Variants in ZFHX4 observed in about 807,000 individuals in gnomAD.
ZFHX4 encodes zinc finger homeobox protein 4.
ZFHX4 carries 56 observed loss-of-function variants against 267.6 expected under a neutral mutation model. The observed-to-expected ratio is 0.21, with a 90% CI of 0.17 to 0.26. The LOEUF is 0.26. ZFHX4 is among the 10% of genes least tolerant of loss of function. The pLI, the probability that ZFHX4 is intolerant of heterozygous loss-of-function variation, is 1.00. For missense variants in ZFHX4, 4,332 were observed against 4,420.0 expected (o/e 0.98, Z 0.56); for synonymous variants, 1,778 against 1,665.6 (o/e 1.07, Z -1.64).
chr8:76,767,505 G>A (rs1473670507), intron 3 of ZFHX4, among the ~76,000 whole-genome samples: 1 of 152,102 alleles, frequency 6.6e-6, no homozygotes, highest in Non-Finnish European at 1.5e-5. Flanking sequence ...GGGTATTGAA[G>A]TCATCTTAGA....
At chr8:76,857,573 C>A (rs1328897837) in intron 10 of ZFHX4, among the ~76,000 whole-genome samples, 1 of 151,934 alleles carries the variant, frequency 6.6e-6, no homozygotes, top group East Asian at 1.9e-4. Flanking sequence ...CCTCAGCCAC[C>A]GCTAGCTTAC....
At position 76,852,294 on chromosome 8, in the gene ZFHX4, T is replaced by C; in HGVS notation, c.5373T>C (p.Thr1791=). The C allele has an allele frequency of 6.4e-7, 1 of 1,564,098 alleles. No homozygotes were observed. Among genetic ancestry groups the C allele is most frequent in the Non-Finnish European group, 8.7e-7 (1 of 1,153,424 alleles). Residue 1791 remains threonine (T), a synonymous_variant, in exon 10 of 11, where the codon ACT becomes ACC. Coordinates refer to ENST00000651372, the MANE Select transcript of ZFHX4 (RefSeq NM_024721.5). ...AAACCCAACATCACGTTGGTCAAAC[T>C]CAACTCCAGATACTACAGCAACAAG... The part of the protein sequence containing the change: ...QIQTQHHVGQ[T]QLQILQQQAQ...
chr8:76,699,688 G>A (rs1312589043), intron 1 of ZFHX4, among the ~76,000 whole-genome samples: 2 of 148,222 alleles, frequency 1.3e-5, no homozygotes, highest in Non-Finnish European at 3.0e-5. Context: ...GTGAGGTAGC[G>A]ATAGTGGTGT....
intron 1 of ZFHX4, among the ~76,000 whole-genome samples, chr8:76,692,561 G>A (rs1021948904): frequency 2.0e-5 from 3 of 152,106 alleles, no homozygotes; most frequent in Admixed American, 1.3e-4. Context: ...ATCTCTTAGG[G>A]AATCACAGTC....
intron 3 of ZFHX4, among the ~76,000 whole-genome samples, chr8:76,757,470 G>A (rs944134279): frequency 1.3e-5 from 2 of 152,170 alleles, no homozygotes; most frequent in Non-Finnish European, 2.9e-5. Context: ...TTTATTCTGA[G>A]TGTGATGGTC....
intron 3 of ZFHX4, chr8:76,733,368 C>T (rs79173287): frequency 2.0e-5 from 3 of 152,238 alleles, no homozygotes; most frequent in Admixed American, 6.5e-5. Flanking sequence ...CCTGATCCCC[C>T]ACGTCTGTGC....
chr8:76,764,393 G>T (rs534977501), intron 3 of ZFHX4, among the ~76,000 whole-genome samples: 1 of 152,006 alleles, frequency 6.6e-6, no homozygotes, highest in African/African-American at 2.4e-5. Flanking sequence ...CTAGTTTCAC[G>T]GACCAGCTGA....
chr8:76,699,144 A>G (rs1306267603), intron 1 of ZFHX4, among the ~76,000 whole-genome samples: 2 of 152,184 alleles, frequency 1.3e-5, no homozygotes, highest in Non-Finnish European at 2.9e-5. Flanking sequence ...TGTAAAGCTC[A>G]CAAACATTAA....
At chr8:76,786,789 T>G (rs565562227) in intron 4 of ZFHX4, among the ~76,000 whole-genome samples, 1 of 152,312 alleles carries the variant, frequency 6.6e-6, no homozygotes, top group Admixed American at 6.5e-5. Context: ...GATTGCAGTT[T>G]GAAAACCAGA....
rs537381672 is a variant in ZFHX4 at position 76,681,325 on chromosome 8, A to G, written c.-342A>G. ...AACGATAATAATTAGCAGAATAAAG[A>G]CATATCGGATTTTCATTTCCTTTCC... On this transcript the variant is annotated 5_prime_UTR_variant, in exon 1 of 11. Transcript: ENST00000651372. The G allele has an allele frequency of 2.0e-5, 8 of 398,822 alleles. No individual in the cohort carries two copies. The Admixed American group carries it at 2.2e-4, about 11-fold the overall frequency. The allele number at this position is 398,822 out of a possible 1,614,324, so 24.7% of individuals were successfully genotyped here.
At chr8:76,723,943 T>C (rs1016428769) in intron 3 of ZFHX4, among the ~76,000 whole-genome samples, 1 of 150,254 alleles carries the variant, frequency 6.7e-6, no homozygotes, top group East Asian at 1.9e-4. Flanking sequence ...TACTTGATAT[T>C]GGCTATCAGG....
rs1328159353 is a variant in ZFHX4 at position 76,852,319 on chromosome 8, G to A, written c.5398G>A (p.Ala1800Thr). ...TCAACTCCAGATACTACAGCAACAA[G>A]CACAACAATACCAAGCCACACAGCC... The part of the protein sequence containing the change: ...QTQLQILQQQ[A>T]QQYQATQPQL... Residue 1800 changes from alanine to threonine, a missense_variant, in exon 10 of 11, where the codon GCA becomes ACA. Around this residue, in one of 7 missense-constraint regions of ZFHX4, gnomAD observed 1,371 missense variants for 1,423.1 expected, o/e 0.96. Coordinates refer to ENST00000651372, the MANE Select transcript of ZFHX4 (RefSeq NM_024721.5). 6.4e-7 allele frequency: 1 copy of A among 1,555,124 alleles called. No homozygotes were observed. Among genetic ancestry groups the A allele is most frequent in the African/African-American group, 1.4e-5 (1 of 73,118 alleles).
intron 3 of ZFHX4, among the ~76,000 whole-genome samples, chr8:76,739,161 A>G (rs1449585500): frequency 6.6e-6 from 1 of 152,214 alleles, no homozygotes. Flanking sequence ...TCATTCTGTC[A>G]TAGACAACAG....
chr8:76,848,965 T>C, intron 6 of ZFHX4, 30 bp from the exon 7 acceptor site: 2 of 1,464,356 alleles, frequency 1.4e-6, no homozygotes, highest in Admixed American at 3.0e-5. Flanking sequence ...TGTTTTTAAA[T>C]TGAATTGTTC....
chr8:76,852,935 C>T lies in ZFHX4; in HGVS notation c.6014C>T (p.Pro2005Leu), dbSNP rs756570538. 1.8e-5 allele frequency: 28 copies of T among 1,589,460 alleles called. No individual in the cohort carries two copies. The highest frequency in any genetic ancestry group is 1.7e-4 in the Middle Eastern group (1 of 6,050). Reference protein sequence around the residue: ...ISPSSPETPPPPPPPPPLPPA... With the variant: ...ISPSSPETPPLPPPPPPLPPA... ...CCATCTTCTCCAGAAACGCCGCCCC[C>T]GCCACCTCCTCCTCCTCCCTTGCCT... The change falls in exon 10 of 11, where the codon CCG (proline) becomes CTG (leucine). Residue 2005 changes from proline (P) to leucine (L), a missense_variant. This residue lies in a region of ZFHX4 where 1,371 missense variants were observed against 1,423.1 expected (regional missense o/e 0.96). Transcript: ENST00000651372.
chr8:76,829,679 C>T (rs763937307), intron 4 of ZFHX4, among the ~76,000 whole-genome samples: 1 of 152,078 alleles, frequency 6.6e-6, no homozygotes, highest in African/African-American at 2.4e-5. Context: ...CATGGTAGTG[C>T]GTGGCTATAA....
rs778523073 is a variant in ZFHX4 at position 76,704,639 on chromosome 8, C to T, written c.551C>T (p.Pro184Leu). Residue 184 changes from proline to leucine, a missense_variant, in exon 2 of 11, where the codon CCT (proline) becomes CTT (leucine). By Grantham distance (98) the Pro-to-Leu change is moderately conservative. Coordinates refer to ENST00000651372, the MANE Select transcript of ZFHX4 (RefSeq NM_024721.5). ...AAGAGTGATCAGTCTGCTTCTGCAC[C>T]TATGTCGTTCTACCCACAGATCATC... ...GEKSDQSASA[P>L]MSFYPQIINT... 3 of 1,614,008 alleles carry T rather than the reference C, an allele frequency of 1.9e-6. No homozygotes were observed. Among genetic ancestry groups the T allele is most frequent in the Admixed American group, 3.3e-5 (2 of 60,022 alleles).
intron 1 of ZFHX4, among the ~76,000 whole-genome samples, chr8:76,697,305 A>G (rs555320130): frequency 6.6e-6 from 1 of 152,116 alleles, no homozygotes; most frequent in African/African-American, 2.4e-5. Context: ...AATAAATTGT[A>G]TGTGCACTGG....
intron 4 of ZFHX4, among the ~76,000 whole-genome samples, chr8:76,794,210 T>C (rs1482027877): frequency 6.6e-6 from 1 of 152,144 alleles, no homozygotes; most frequent in Non-Finnish European, 1.5e-5. Context: ...TTTTGATAAC[T>C]TTTGGGGTGG....
Sources: gnomAD v4.1 joint callset for allele counts (sites outside exome capture counted in the v4.1 genomes callset) on GRCh38, gnomAD v4.1.1 for gene constraint, gnomAD v4.1.1 regional missense constraint, MANE v1.5 for transcripts, NCBI Gene and HGNC (gene_info 2026-07-23, HGNC 2026-07-21) for gene names.